LETM2: variants seen among roughly 807,000 people sequenced by gnomAD.
LETM2 encodes leucine zipper and EF-hand containing transmembrane protein 2.
In LETM2, 58 loss-of-function variants were observed where a neutral mutation model predicts 59.6. The ratio of observed to expected loss-of-function variants is 0.97; its 90% CI spans 0.79 to 1.21. The LOEUF is 1.21. Ranked by LOEUF, LETM2 falls within the 50% of genes most tolerant of loss-of-function variation. The pLI is 0.00. For missense variants in LETM2, 572 were observed against 575.7 expected (o/e 0.99, Z 0.07); for synonymous variants, 199 against 214.1 (o/e 0.93, Z 0.62).
In LETM2 at chr8:38,408,238, G is replaced by T. The variant is rs775720782; in HGVS notation, c.1440G>T (p.Thr480=). Residue 480 remains threonine, a synonymous_variant, in exon 11 of 11, where the codon ACG becomes ACT. Transcript: ENST00000379957. ...EPTLQAKSQM[T]AQNSKASSKG... ...CACTCCAGGCCAAATCACAAATGAC[G>T]GCCCAGAACAGCAAGGCTAGTTCAA... 2 of 1,612,904 alleles carry T rather than the reference G, an allele frequency of 1.2e-6. No individual in the cohort carries two copies. Among genetic ancestry groups the T allele is most frequent in the Non-Finnish European group, 1.7e-6 (2 of 1,179,628 alleles).
At chr8:38,390,961 A>G (rs954030696) in intron 2 of LETM2, among the ~76,000 whole-genome samples, 20 of 151,844 alleles carry the variant, frequency 1.3e-4, no homozygotes, top group Non-Finnish European at 2.2e-4. Context: ...GATTACAGGC[A>G]TGAGCCAGCG....
chr8:38,388,750 TTTTTTGTTTGTTTG>T (rs1405869991), intron 2 of LETM2, among the ~76,000 whole-genome samples: 10 of 151,180 alleles, frequency 6.6e-5, no homozygotes, highest in African/African-American at 2.4e-4. Flanking sequence ...AGATGTAGTT[TTTTTTGTTTGTTTG>T]TTTTTGTTTT....
At chr8:38,402,154 C>T (rs933853025) in intron 6 of LETM2, among the ~76,000 whole-genome samples, 1 of 152,152 alleles carries the variant, frequency 6.6e-6, no homozygotes, top group African/African-American at 2.4e-5. Context: ...ACTACAGGGA[C>T]ATGCAACAAA....
At chr8:38,407,513 G>C (rs919167933) in intron 10 of LETM2, 50 bp downstream of exon 10, 7 of 1,232,864 alleles carry the variant, frequency 5.7e-6, no homozygotes, top group Middle Eastern at 1.9e-4. Flanking sequence ...TTTCCCTCTA[G>C]TTATCTTTAA....
chr8:38,393,138 C>G, intron 3 of LETM2, 143 bp downstream of exon 3: 1 of 659,826 alleles, frequency 1.5e-6, no homozygotes, highest in South Asian at 2.0e-5. Flanking sequence ...AGTTTCTTGT[C>G]TGCAACCGAC....
At position 38,388,041 on chromosome 8, in the gene LETM2, G is replaced by A; in HGVS notation, c.47+11G>A. ...TATTGCTCGAACAAGGTAAGCATTG[G>A]AGTTACCCCCCAATATGAACGTAAT... On this transcript the variant is annotated intron_variant, in intron 2 of 10. Transcript: ENST00000379957. 6.7e-7 allele frequency: 1 copy of A among 1,499,220 alleles called. No homozygotes were observed. Among genetic ancestry groups the A allele is most frequent in the Middle Eastern group, 1.7e-4 (1 of 5,916 alleles). 92.9% of individuals were successfully genotyped at this position (1,499,220 alleles called of 1,614,324 possible). A position where few individuals can be genotyped will look rare whatever the true frequency, so the allele number is the denominator to read the frequency against.
At chr8:38,385,954 A>C (rs1585953748), upstream of LETM2, among the ~76,000 whole-genome samples, 1 of 152,318 alleles carries the variant, frequency 6.6e-6, no homozygotes, top group South Asian at 2.1e-4. Flanking sequence ...GAAAGCAAAT[A>C]TTTTTAGTAG....
chr8:38,404,493 CA>C lies in LETM2; in HGVS notation c.1206del (p.Leu403SerfsTer31). The C allele has an allele frequency of 6.2e-7, 1 of 1,612,432 alleles. No individual in the cohort carries two copies. The highest frequency in any genetic ancestry group is 1.6e-4 in the Middle Eastern group (1 of 6,062). The part of the protein sequence containing the change: ...IDVKPKPIEI[P>X]LSGEAPKTDI... Reference sequence around the variant, plus strand: ...GTGAAGCCCAAGCCGATTGAGATACCACTCAGTGGGGAGGTGAGTACCTGGG... The same window carrying C: ...GTGAAGCCCAAGCCGATTGAGATACCCTCAGTGGGGAGGTGAGTACCTGGG... On this transcript the variant is annotated frameshift_variant, in exon 8 of 11. Transcript: ENST00000379957. LOFTEE classifies it high-confidence loss of function.
In LETM2 at chr8:38,408,197, G is replaced by GT. The variant is rs775852856; in HGVS notation, c.1414-9dup. On this transcript the variant is annotated splice_polypyrimidine_tract_variant and intron_variant, in intron 10 of 10. Coordinates refer to ENST00000379957, the MANE Select transcript of LETM2 (RefSeq NM_001286819.2). ...TCTGTGACTAATGCCTACAGTCCTTGTTTTTTACGCCTAGACACTCCAGGC... is the reference window on the plus strand; with the variant it reads ...TCTGTGACTAATGCCTACAGTCCTTGTTTTTTTACGCCTAGACACTCCAGGC... 9 of 1,609,992 alleles carry GT rather than the reference G, an allele frequency of 5.6e-6. No individual in the cohort carries two copies. In the African/African-American group the frequency reaches 1.1e-4, roughly 19 times the overall value.
chr8:38,389,692 G>C (rs575726081), intron 2 of LETM2, among the ~76,000 whole-genome samples: 16 of 151,796 alleles, frequency 1.1e-4, no homozygotes, highest in Non-Finnish European at 1.9e-4. Context: ...AAGATAGCTC[G>C]AGCCCAGGAG....
intron 5 of LETM2, 103 bp from the exon 6 acceptor site, chr8:38,400,750 C>CA: frequency 9.9e-7 from 1 of 1,009,814 alleles, no homozygotes; most frequent in Non-Finnish European, 1.5e-6. Flanking sequence ...AGATGTCAGA[C>CA]AGAGTCCCAT....
chr8:38,401,569 G>C (rs1380863172), intron 6 of LETM2: 1 of 161,584 alleles, frequency 6.2e-6, no homozygotes, highest in African/African-American at 2.4e-5. Context: ...CCCATTTCTT[G>C]AGAAGGCCAT....
At chr8:38,400,677 T>C (rs964967485) in intron 5 of LETM2, 176 bp from the exon 6 acceptor site, 1 of 685,170 alleles carries the variant, frequency 1.5e-6, no homozygotes, top group African/African-American at 1.8e-5. Context: ...ACTCCTGATT[T>C]TTCAGCTGAT....
chr8:38,397,143 G>A (rs944200178), intron 4 of LETM2: 6 of 455,962 alleles, frequency 1.3e-5, no homozygotes, highest in Non-Finnish European at 2.6e-5. Flanking sequence ...GTAAGAAAGT[G>A]TGAACAAAAC....
chr8:38,394,125 C>T lies in LETM2; in HGVS notation c.529C>T (p.Arg177Cys), dbSNP rs1037902290. The T allele has an allele frequency of 2.5e-5, 37 of 1,479,372 alleles. No individual in the cohort carries two copies. The highest frequency in any genetic ancestry group is 5.6e-5 in the African/African-American group (4 of 70,904). The allele number at this position is 1,479,372 out of a possible 1,614,324, so 91.6% of individuals were successfully genotyped here. Reference sequence around the variant, plus strand: ...GTTGAGAACTTGTGTTGATTTCTTCCGCCTGGTTCCATTTATGGTGTTCTT... The same window carrying T: ...GTTGAGAACTTGTGTTGATTTCTTCTGCCTGGTTCCATTTATGGTGTTCTT... ...RLLRTCVDFF[R>C]LVPFMVFLIV... is the part of the protein sequence containing the mutation. Residue 177 changes from arginine (R) to cysteine (C), a missense_variant, in exon 4 of 11, where the codon CGC (arginine) becomes TGC (cysteine). Coordinates refer to ENST00000379957, the MANE Select transcript of LETM2 (RefSeq NM_001286819.2).
intron 2 of LETM2, 130 bp from the exon 3 acceptor site, chr8:38,392,412 T>TA: frequency 1.6e-6 from 1 of 627,328 alleles, no homozygotes; most frequent in East Asian, 2.8e-5. Context: ...GCAATGGGAG[T>TA]GGAAAAAAAA....
chr8:38,405,333 T>A (rs1357461412), intron 8 of LETM2, among the ~76,000 whole-genome samples: 1 of 152,144 alleles, frequency 6.6e-6, no homozygotes, highest in Non-Finnish European at 1.5e-5. Flanking sequence ...TCTGGGCCCA[T>A]CAGAAAGGGC....
intron 2 of LETM2, among the ~76,000 whole-genome samples, chr8:38,391,212 C>CAAAAAAAAAAAAA (rs1381418029): frequency 8.3e-6 from 1 of 120,118 alleles, no homozygotes; most frequent in African/African-American, 3.1e-5. Flanking sequence ...AAAAAAAAAC[C>CAAAAAAAAAAAAA]AAAAAACTGA....
chr8:38,400,124 C>G (rs1250146523), intron 4 of LETM2, 148 bp from the exon 5 acceptor site: 1 of 566,268 alleles, frequency 1.8e-6, no homozygotes, highest in Admixed American at 3.7e-5. Context: ...GCTCTGGTCT[C>G]ACAAACCCAT....
Sources: gnomAD v4.1 joint callset for allele counts (sites outside exome capture counted in the v4.1 genomes callset) on GRCh38, gnomAD v4.1.1 for gene constraint, MANE v1.5 for transcripts, NCBI Gene and HGNC (gene_info 2026-07-23, HGNC 2026-07-21) for gene names.